Variants in EML6 observed in about 807,000 individuals in gnomAD.
The protein encoded by EML6 is EMAP like 6.
Under a neutral mutation model 240.1 loss-of-function variants are expected in EML6, and 154 were observed. That is an observed-to-expected ratio of 0.64 (90% confidence interval 0.56 to 0.73). EML6 has a LOEUF of 0.73. Among genes scored for constraint, EML6 ranks in the 30% least tolerant of loss-of-function variants. The probability of loss-of-function intolerance (pLI) is 0.00; values close to 1 mark genes in which losing one functional copy is unlikely to be tolerated. For missense variants in EML6, 2,964 were observed against 2,474.6 expected, an observed-to-expected ratio of 1.20 and a Z score of -4.20; for synonymous variants, 1,148 against 899.0, an observed-to-expected ratio of 1.28 and a Z score of -4.95.
chr2:54,962,083 G>GTTTTTT (rs533390678), intron 35 of EML6, among the ~76,000 whole-genome samples: 6 of 132,270 alleles, frequency 4.5e-5, no homozygotes, highest in African/African-American at 1.7e-4. Flanking sequence ...CAAGTTACTT[G>GTTTTTT]TTTTTTTTTT....
intron 28 of EML6, among the ~76,000 whole-genome samples, chr2:54,934,747 C>T (rs1342896027): frequency 6.6e-6 from 1 of 152,044 alleles, no homozygotes; most frequent in East Asian, 1.9e-4. Context: ...ATGGGGTGGT[C>T]TTACTGTGTT....
chr2:54,968,364 C>A, intron 40 of EML6, 83 bp downstream of exon 40: 1 of 1,281,024 alleles, frequency 7.8e-7, no homozygotes, highest in African/African-American at 1.5e-5. Flanking sequence ...AGATGGCCCT[C>A]TGGGAGACAC....
intron 4 of EML6, among the ~76,000 whole-genome samples, chr2:54,820,179 T>TTC (rs1668266645): frequency 6.6e-6 from 1 of 152,182 alleles, no homozygotes; most frequent in Non-Finnish European, 1.5e-5. Flanking sequence ...TTATGGTAAG[T>TTC]TCTCTCTCTA....
chr2:54,850,384 G>A (rs1326011715), intron 10 of EML6, 166 bp downstream of exon 10: 13 of 606,582 alleles, frequency 2.1e-5, no homozygotes, highest in Admixed American at 1.2e-4. Context: ...TCTGTCGCAA[G>A]ATCCTAAATA....
intron 4 of EML6, among the ~76,000 whole-genome samples, chr2:54,818,765 A>T (rs1430750796): frequency 1.3e-5 from 2 of 152,326 alleles, no homozygotes; most frequent in South Asian, 4.1e-4. Context: ...TGAGTCTGTA[A>T]TCTTAGGATG....
chr2:54,813,427 T>C, intron 3 of EML6, 36 bp downstream of exon 3: 1 of 1,502,348 alleles, frequency 6.7e-7, no homozygotes, highest in African/African-American at 1.4e-5. Context: ...ATTTAATGAC[T>C]TCTCACAACT....
intron 31 of EML6, among the ~76,000 whole-genome samples, chr2:54,953,246 C>T (rs1207671095): frequency 1.3e-5 from 2 of 152,152 alleles, no homozygotes; most frequent in Non-Finnish European, 2.9e-5. Context: ...CTTATTTTAG[C>T]TATTGTTTTC....
At position 54,813,371 on chromosome 2, in the gene EML6, G is replaced by A. The variant is rs554698728; in HGVS notation, c.337G>A (p.Ala113Thr). 9.0e-6 allele frequency: 14 copies of A among 1,551,442 alleles called. No homozygotes were observed. The South Asian group carries it at 1.4e-4, about 16-fold the overall frequency. Residue 113 changes from alanine (A) to threonine (T), a missense_variant, in exon 3 of 42, where the codon GCT becomes ACT. Ala to Thr is a moderately conservative substitution (Grantham distance 58). Coordinates refer to ENST00000356458, the MANE Select transcript of EML6 (RefSeq NM_001039753.4). Reference protein sequence around the residue: ...DVHTHGVACLAFDSDGQRLAS... With the variant: ...DVHTHGVACLTFDSDGQRLAS... ...CCATACACATGGAGTTGCCTGCCTG[G>A]CTTTTGACTCAGATGGACAGGTGTG...
At chr2:54,869,150 C>T (rs1448292086) in intron 14 of EML6, 31 bp from the exon 15 acceptor site, 1 of 1,472,908 alleles carries the variant, frequency 6.8e-7, no homozygotes, top group African/African-American at 1.4e-5. Context: ...GTTTGTTCAA[C>T]CACTATGCAT....
chr2:54,896,729 G>A (rs1024373596), intron 21 of EML6, among the ~76,000 whole-genome samples: 5 of 152,096 alleles, frequency 3.3e-5, no homozygotes, highest in South Asian at 4.1e-4. Context: ...GCTGTATTAC[G>A]AGTGAATCCC....
chr2:54,748,071 T>A (rs190762148), intron 2 of EML6, among the ~76,000 whole-genome samples: 23 of 152,278 alleles, frequency 1.5e-4, no homozygotes, highest in Non-Finnish European at 2.2e-4. Flanking sequence ...TGAAGATTAT[T>A]ACAAAAATTA....
intron 19 of EML6, among the ~76,000 whole-genome samples, chr2:54,894,537 A>G (rs2104131034): frequency 6.6e-6 from 1 of 152,236 alleles, no homozygotes; most frequent in African/African-American, 2.4e-5. Flanking sequence ...ACTTCAATCC[A>G]TTTGGTCAGA....
rs34352060 is a variant in EML6 at position 54,846,923 on chromosome 2, A to ATTTTTTTTTTTTT, written c.1050-562_1050-550dup. ...AAAGTAATATTTTGTATGAAGTAGT[A>ATTTTTTTTTTTTT]TTTTTTTTTTTTTGGAGACAGGGCC... On this transcript the variant is annotated intron_variant, in intron 8 of 41. Transcript: ENST00000356458. 3.4e-3 allele frequency among the ~76,000 whole-genome samples: 440 copies of ATTTTTTTTTTTTT among 129,830 alleles called. 14 individuals are homozygous for ATTTTTTTTTTTTT. The highest frequency in any genetic ancestry group is 5.1e-3 in the Non-Finnish European group (310 of 60,764). The allele number at this position is 129,830 out of a possible 152,430, so 85.2% of individuals were successfully genotyped here.
intron 32 of EML6, among the ~76,000 whole-genome samples, chr2:54,955,254 T>A (rs116735431): frequency 1.3e-3 from 191 of 152,298 alleles, no homozygotes; most frequent in African/African-American, 4.5e-3. Flanking sequence ...TTGACCAGAC[T>A]CAGCCCAGAG....
intron 28 of EML6, among the ~76,000 whole-genome samples, chr2:54,932,982 G>A (rs566966426): frequency 6.6e-6 from 1 of 152,350 alleles, no homozygotes; most frequent in African/African-American, 2.4e-5. Flanking sequence ...GTATGCAGGA[G>A]TGGGGCAACT....
chr2:54,798,089 C>T (rs959052997), intron 2 of EML6, among the ~76,000 whole-genome samples: 2 of 152,062 alleles, frequency 1.3e-5, no homozygotes, highest in Non-Finnish European at 2.9e-5. Flanking sequence ...AGGTTTGGTA[C>T]CTTAACAATA....
At chr2:54,810,222 C>A (rs1456257802) in intron 2 of EML6, among the ~76,000 whole-genome samples, 1 of 152,074 alleles carries the variant, frequency 6.6e-6, no homozygotes, top group Non-Finnish European at 1.5e-5. Flanking sequence ...AAAAAAATTG[C>A]AATGTGAACT....
At chr2:54,834,786 A>G (rs541093001) in intron 7 of EML6, among the ~76,000 whole-genome samples, 7 of 152,302 alleles carry the variant, frequency 4.6e-5, no homozygotes, top group African/African-American at 7.2e-5. Flanking sequence ...ACTTGTCACT[A>G]TCTCCACTGA....
chr2:54,829,198 G>A (rs1668742518), intron 6 of EML6, 144 bp from the exon 7 acceptor site: 1 of 631,220 alleles, frequency 1.6e-6, no homozygotes, highest in African/African-American at 1.8e-5. Flanking sequence ...TGGCTACTTG[G>A]TCTATTGTCA....
Sources: gnomAD v4.1 joint callset for allele counts (sites outside exome capture counted in the v4.1 genomes callset) on GRCh38, gnomAD v4.1.1 for gene constraint, MANE v1.5 for transcripts, NCBI Gene and HGNC (gene_info 2026-07-23, HGNC 2026-07-21) for gene names.